Variants in CRISP3 observed in about 807,000 individuals in gnomAD.
CRISP3 encodes cysteine rich secretory protein 3, also known as cysteine-rich secretory protein 3.
CRISP3 carries 33 observed loss-of-function variants against 36.1 expected under a neutral mutation model. That is an observed-to-expected ratio of 0.91 (90% confidence interval 0.69 to 1.22). The LOEUF (loss-of-function observed/expected upper bound fraction) is 1.22, where lower values mean the gene tolerates loss of function less well. Among genes scored for constraint, CRISP3 ranks in the 50% most tolerant of loss-of-function variants. CRISP3 has a pLI of 0.00. For synonymous variants in CRISP3, 117 were observed against 104.6 expected (o/e 1.12, Z -0.72); for missense variants, 330 against 301.2 (o/e 1.10, Z -0.71).
In CRISP3 at chr6:49,728,625, G is replaced by A. The variant is rs530803281; in HGVS notation, c.*105C>T. On this transcript the variant is annotated 3_prime_UTR_variant, in exon 8 of 8. Coordinates refer to ENST00000263045, the MANE Select transcript of CRISP3 (RefSeq NM_006061.4). Reference sequence around the variant, plus strand: ...TTGAAATCAAATGTGTATCAAACATGCCTACAATTTCTCAGCTAGTATATG... The same window carrying A: ...TTGAAATCAAATGTGTATCAAACATACCTACAATTTCTCAGCTAGTATATG... The A allele has an allele frequency of 8.9e-6, 8 of 897,112 alleles. No homozygotes were observed. In the African/African-American group the frequency reaches 1.4e-4, roughly 15 times the overall value. The allele number at this position is 897,112 out of a possible 1,614,324, so 55.6% of individuals were successfully genotyped here. A position where few individuals can be genotyped will look rare whatever the true frequency, so the allele number is the denominator to read the frequency against.
chr6:49,732,531 A>G (rs1486197062), intron 6 of CRISP3, among the ~76,000 whole-genome samples: 1 of 152,206 alleles, frequency 6.6e-6, no homozygotes, highest in Non-Finnish European at 1.5e-5. Flanking sequence ...TGCTTGAGAA[A>G]AAAAAGTGGA....
chr6:49,741,360 T>C (rs910569857), intron 1 of CRISP3, among the ~76,000 whole-genome samples: 4 of 152,040 alleles, frequency 2.6e-5, no homozygotes, highest in Admixed American at 2.6e-4. Context: ...CGGGATTGAC[T>C]CATAAAAGAC....
At chr6:49,739,904 C>T (rs906563994) in intron 1 of CRISP3, among the ~76,000 whole-genome samples, 5 of 152,112 alleles carry the variant, frequency 3.3e-5, no homozygotes, top group Non-Finnish European at 7.4e-5. Flanking sequence ...AGTTATTTTG[C>T]TATGTGTAAG....
chr6:49,742,157 G>GA (rs992634214), intron 1 of CRISP3, among the ~76,000 whole-genome samples: 7 of 151,682 alleles, frequency 4.6e-5, no homozygotes, highest in Non-Finnish European at 1.0e-4. Context: ...ATCCTTTTTG[G>GA]AAAAAATCTT....
Position 49,736,654 on chromosome 6 carries a change from A to T in CRISP3, c.112-147T>A, listed in dbSNP as rs1325900386. 15 of 704,528 alleles carry T rather than the reference A, an allele frequency of 2.1e-5. No individual in the cohort carries two copies. The South Asian group carries it at 2.3e-4, about 11-fold the overall frequency. 43.6% of individuals were successfully genotyped at this position (704,528 alleles called of 1,614,324 possible). A position where few individuals can be genotyped will look rare whatever the true frequency, so the allele number is the denominator to read the frequency against. ...ATTGTCAATGACTGCCAAAGCTATG[A>T]CTTTTTAATGGAAAAGTATTAGATG... On this transcript the variant is annotated intron_variant, in intron 2 of 7. Coordinates refer to ENST00000263045, the MANE Select transcript of CRISP3 (RefSeq NM_006061.4).
intron 1 of CRISP3, among the ~76,000 whole-genome samples, chr6:49,739,292 G>A (rs961258305): frequency 6.6e-6 from 1 of 152,122 alleles, no homozygotes; most frequent in African/African-American, 2.4e-5. Context: ...TCCTTTAGGA[G>A]ACATTTATCA....
intron 1 of CRISP3, among the ~76,000 whole-genome samples, chr6:49,741,821 G>A (rs1043687021): frequency 6.9e-5 from 10 of 144,932 alleles, no homozygotes; most frequent in African/African-American, 2.5e-4. Context: ...AGAAAAGAAA[G>A]TATATACATA....
chr6:49,737,121 C>A (rs512299), intron 2 of CRISP3, among the ~76,000 whole-genome samples: 1 of 151,856 alleles, frequency 6.6e-6, no homozygotes, highest in Admixed American at 6.6e-5. Flanking sequence ...AATTAATGAA[C>A]TTCAATACCC....
rs1330597967 is a variant in CRISP3 at position 49,728,854 on chromosome 6, T to C, written c.653A>G (p.Asn218Ser). Reference protein sequence around the residue: ...PDNCDDGLCTNGCKYEDLYSN... With the variant: ...PDNCDDGLCTSGCKYEDLYSN... ...ATAGAGATCTTCGTACTTGCAACCA[T>C]TGGCTGGAATAAAAACAAAGAAATT... is the stretch of plus-strand genomic sequence containing the variant. Residue 218 changes from asparagine to serine, a missense_variant, in exon 8 of 8, where the codon AAT becomes AGT. Transcript: ENST00000263045. 1.5e-5 allele frequency: 24 copies of C among 1,605,112 alleles called. No individual in the cohort carries two copies. Among genetic ancestry groups the C allele is most frequent in the East Asian group, 4.5e-5 (2 of 44,624 alleles).
chr6:49,734,742 A>G (rs776230981), intron 4 of CRISP3, among the ~76,000 whole-genome samples: 6 of 152,168 alleles, frequency 3.9e-5, no homozygotes, highest in Non-Finnish European at 7.4e-5. Context: ...TGGCTGTCCT[A>G]TTTTCAAAAC....
chr6:49,741,611 GTTTTTTTTT>G (rs375461364), intron 1 of CRISP3, among the ~76,000 whole-genome samples: 9 of 113,012 alleles, frequency 8.0e-5, no homozygotes, highest in African/African-American at 2.6e-4. Flanking sequence ...CCTGTATGTA[GTTTTTTTTT>G]TTTTTTTTTT....
chr6:49,735,249 TG>T (rs1171984351), intron 4 of CRISP3, among the ~76,000 whole-genome samples: 9 of 152,156 alleles, frequency 5.9e-5, no homozygotes, highest in African/African-American at 2.2e-4. Flanking sequence ...AGAGATGATC[TG>T]TAACCTGCTT....
chr6:49,742,515 C>A (rs1769231128), intron 1 of CRISP3, among the ~76,000 whole-genome samples: 1 of 151,094 alleles, frequency 6.6e-6, no homozygotes, highest in Non-Finnish European at 1.5e-5. Context: ...GTCTGTAATC[C>A]CAGCTACTGG....
At chr6:49,735,308 G>GT (rs1300751063) in intron 4 of CRISP3, among the ~76,000 whole-genome samples, 196 bp downstream of exon 4, 1 of 152,052 alleles carries the variant, frequency 6.6e-6, no homozygotes, top group African/African-American at 2.4e-5. Context: ...GTGTGAGACG[G>GT]TTTTTGTAAA....
intron 3 of CRISP3, 139 bp from the exon 4 acceptor site, chr6:49,735,730 A>G (rs768203395): frequency 3.6e-6 from 2 of 557,448 alleles, no homozygotes; most frequent in Non-Finnish European, 6.2e-6. Flanking sequence ...ATAGTAATCA[A>G]ATGTATATAT....
At chr6:49,741,030 G>A (rs1300308446) in intron 1 of CRISP3, among the ~76,000 whole-genome samples, 1 of 151,748 alleles carries the variant, frequency 6.6e-6, no homozygotes, top group African/African-American at 2.4e-5. Context: ...GAACTCGGGA[G>A]GCAGAGCTTG....
intron 6 of CRISP3, among the ~76,000 whole-genome samples, chr6:49,731,610 C>T (rs1768919233): frequency 1.3e-5 from 2 of 151,828 alleles, no homozygotes; most frequent in African/African-American, 4.8e-5. Context: ...AAAACATATC[C>T]CCTAGAGAGA....
Position 49,741,611 on chromosome 6 carries a change from GTTTT to G in CRISP3, c.37+2716_37+2719del, listed in dbSNP as rs375461364. On this transcript the variant is annotated intron_variant, in intron 1 of 7. Transcript: ENST00000263045. ...TCATTAAATTCAACCCCTGTATGTAGTTTTTTTTTTTTTTTTTTTTTTTAAAGAA... is the reference window on the plus strand; with the variant it reads ...TCATTAAATTCAACCCCTGTATGTAGTTTTTTTTTTTTTTTTTTTAAAGAA... 6.8e-3 allele frequency among the ~76,000 whole-genome samples: 772 copies of G among 113,000 alleles called. 5 individuals are homozygous for G. The highest frequency in any genetic ancestry group is 0.023 in the African/African-American group (702 of 30,396). The allele number at this position is 113,000 out of a possible 152,430, so 74.1% of individuals were successfully genotyped here.
chr6:49,734,301 T>C (rs551379083), intron 4 of CRISP3, among the ~76,000 whole-genome samples: 1 of 152,276 alleles, frequency 6.6e-6, no homozygotes, highest in South Asian at 2.1e-4. Context: ...TGGTTAGAAT[T>C]ATTATTTTGT....
Sources: gnomAD v4.1 joint callset for allele counts (sites outside exome capture counted in the v4.1 genomes callset) on GRCh38, gnomAD v4.1.1 for gene constraint, MANE v1.5 for transcripts, NCBI Gene and HGNC (gene_info 2026-07-23, HGNC 2026-07-21) for gene names.